NRXN3: variants seen among roughly 807,000 people sequenced by gnomAD.
NRXN3 encodes neurexin III.
A neutral mutation model predicts 137.6 loss-of-function variants in NRXN3; 32 were observed. The observed-to-expected ratio is 0.23, with a 90% CI of 0.18 to 0.31. The LOEUF (loss-of-function observed/expected upper bound fraction) is 0.31. NRXN3 is among the 10% of genes least tolerant of loss of function. The pLI is 1.00. For missense variants in NRXN3, 1,574 were observed against 2,062.5 expected, an observed-to-expected ratio of 0.76 and a Z score of 4.59; for synonymous variants, 798 against 784.5, an observed-to-expected ratio of 1.02 and a Z score of -0.29.
chr14:79,129,307 G>A (rs373390999), intron 15 of NRXN3, among the ~76,000 whole-genome samples: 4 of 146,462 alleles, frequency 2.7e-5, no homozygotes, highest in Non-Finnish European at 6.0e-5. Context: ...TTTCTCTTGT[G>A]GGCATTTAGT....
In NRXN3 at chr14:79,298,614, G is replaced by A. The variant is rs1202227866; in HGVS notation, c.3263-168607G>A. ...AGCAAGTGAGACAATAAGAAGCAAC[G>A]TAATCTCATCAGAGACTACATCTGT... On this transcript the variant is annotated intron_variant, in intron 15 of 20. Coordinates refer to ENST00000335750, the MANE Select transcript of NRXN3 (RefSeq NM_001330195.2). 4.6e-5 allele frequency among the ~76,000 whole-genome samples: 7 copies of A among 152,058 alleles called. No individual in the cohort carries two copies. The South Asian group carries it at 1.5e-3, about 32-fold the overall frequency.
At chr14:79,724,051 AT>A (rs2154066335) in intron 19 of NRXN3, among the ~76,000 whole-genome samples, 1 of 152,282 alleles carries the variant, frequency 6.6e-6, no homozygotes, top group Admixed American at 6.5e-5. Context: ...AGGAACATAC[AT>A]TCAGCAAAAC....
chr14:78,775,960 G>A (rs1404135962), intron 8 of NRXN3, among the ~76,000 whole-genome samples: 1 of 152,100 alleles, frequency 6.6e-6, no homozygotes, highest in Non-Finnish European at 1.5e-5. Flanking sequence ...GTCCTACCCA[G>A]GGTATGAATT....
intron 10 of NRXN3, among the ~76,000 whole-genome samples, chr14:78,905,675 G>A (rs571049769): frequency 6.6e-6 from 1 of 151,996 alleles, no homozygotes; most frequent in African/African-American, 2.4e-5. Flanking sequence ...TTTGATCTTG[G>A]TAAGGTAAAA....
chr14:79,101,973 G>A (rs1447319121), intron 15 of NRXN3, among the ~76,000 whole-genome samples: 1 of 152,106 alleles, frequency 6.6e-6, no homozygotes, highest in African/African-American at 2.4e-5. Flanking sequence ...GACAGAGGCT[G>A]GAGTGATGCA....
chr14:78,752,492 T>C (rs1419948827), intron 8 of NRXN3, among the ~76,000 whole-genome samples: 2 of 152,144 alleles, frequency 1.3e-5, no homozygotes, highest in Non-Finnish European at 2.9e-5. Flanking sequence ...ATGCCAAGCA[T>C]TGGGAGTAGA....
At chr14:78,295,040 G>A (rs71413497) in intron 3 of NRXN3, among the ~76,000 whole-genome samples, 2 of 152,176 alleles carry the variant, frequency 1.3e-5, no homozygotes, top group Admixed American at 1.3e-4. Flanking sequence ...GTAGAAGGCG[G>A]AGAAGCAGAA....
At chr14:79,556,955 A>T (rs1439233924) in intron 16 of NRXN3, among the ~76,000 whole-genome samples, 1 of 152,162 alleles carries the variant, frequency 6.6e-6, no homozygotes. Context: ...AAAACCTAAT[A>T]GTTCTCAAAC....
At chr14:79,065,149 A>AGTACAGT (rs2099679223) in intron 15 of NRXN3, among the ~76,000 whole-genome samples, 1 of 152,020 alleles carries the variant, frequency 6.6e-6, no homozygotes, top group African/African-American at 2.4e-5. Context: ...TTACTTACAT[A>AGTACAGT]GTACAGTGTA....
intron 16 of NRXN3, among the ~76,000 whole-genome samples, chr14:79,532,845 A>G (rs966109150): frequency 6.6e-6 from 1 of 152,214 alleles, no homozygotes; most frequent in African/African-American, 2.4e-5. Context: ...AATAAATGTC[A>G]CTTGAGGCAC....
chr14:79,174,189 C>G (rs1434671835), intron 15 of NRXN3, among the ~76,000 whole-genome samples: 1 of 152,108 alleles, frequency 6.6e-6, no homozygotes, highest in Non-Finnish European at 1.5e-5. Context: ...TGTCTAGACT[C>G]TACCTAAAAT....
intron 4 of NRXN3, among the ~76,000 whole-genome samples, chr14:78,521,337 A>G (rs2096281292): frequency 6.6e-6 from 1 of 152,192 alleles, no homozygotes; most frequent in Non-Finnish European, 1.5e-5. Context: ...ATTCTCTCCA[A>G]AGAATGTATT....
rs79075917 is a variant in NRXN3, at chr14:78,784,648, T to C, written c.2045-18972T>C. Among the ~76,000 whole-genome samples the C allele has an allele frequency of 1.7e-3, 261 of 152,198 alleles. 5 individuals carry two copies. In the East Asian group the frequency reaches 0.035, roughly 20 times the overall value. The stretch of plus-strand genomic sequence containing the variant: ...AAGTTATAACAAGGGTAGGAGGTGA[T>C]TGTTCTGGCTGCCATGTGGAGAACC... On this transcript the variant is annotated intron_variant, in intron 8 of 20. Transcript: ENST00000335750.
intron 19 of NRXN3, among the ~76,000 whole-genome samples, chr14:79,771,782 T>C (rs1199862692): frequency 6.6e-5 from 6 of 90,664 alleles, no homozygotes; most frequent in East Asian, 4.7e-4. Flanking sequence ...CCAGGGCAAT[T>C]AGGCAGGAGA....
chr14:78,582,303 A>C (rs1457801164), intron 4 of NRXN3, among the ~76,000 whole-genome samples: 1 of 152,248 alleles, frequency 6.6e-6, no homozygotes, highest in African/African-American at 2.4e-5. Flanking sequence ...GTTTTCCTCC[A>C]TTACTGCTTA....
At chr14:78,759,389 A>G (rs1172884081) in intron 8 of NRXN3, among the ~76,000 whole-genome samples, 13 of 152,218 alleles carry the variant, frequency 8.5e-5, no homozygotes, top group Admixed American at 8.5e-4. Context: ...AATACTCTTT[A>G]AGATATTTTT....
intron 10 of NRXN3, among the ~76,000 whole-genome samples, chr14:78,860,627 A>G (rs1330526134): frequency 6.6e-6 from 1 of 152,180 alleles, no homozygotes; most frequent in African/African-American, 2.4e-5. Context: ...TGTATTATAT[A>G]CTGTATTCTT....
intron 4 of NRXN3, among the ~76,000 whole-genome samples, chr14:78,615,799 G>C (rs1264559496): frequency 6.6e-6 from 1 of 152,106 alleles, no homozygotes; most frequent in Admixed American, 6.5e-5. Flanking sequence ...CAATTAGTTG[G>C]ATGTGGGCAT....
intron 15 of NRXN3, among the ~76,000 whole-genome samples, chr14:79,425,060 A>C (rs73330011): frequency 0.045 from 6,904 of 152,290 alleles, 522 homozygotes; most frequent in African/African-American, 0.16. Context: ...CATAAATGCC[A>C]TAGCTTAGGG....
Sources: gnomAD v4.1 joint callset for allele counts (sites outside exome capture counted in the v4.1 genomes callset) on GRCh38, gnomAD v4.1.1 for gene constraint, MANE v1.5 for transcripts, NCBI Gene and HGNC (gene_info 2026-07-23, HGNC 2026-07-21) for gene names.